The following SNTG1 variants were observed in gnomAD, a reference collection of about 807,000 sequenced individuals.
SNTG1 encodes the protein gamma-1-syntrophin.
A neutral mutation model predicts 74.7 loss-of-function variants in SNTG1; 39 were observed. The ratio of observed to expected loss-of-function variants is 0.52; its 90% CI spans 0.40 to 0.68. The LOEUF (loss-of-function observed/expected upper bound fraction) is 0.68. Among genes scored for constraint, SNTG1 ranks in the 30% least tolerant of loss-of-function variants. SNTG1 has a pLI of 0.00. For missense variants in SNTG1, 685 were observed against 609.5 expected (o/e 1.12, Z -1.30); for synonymous variants, 254 against 217.1 (o/e 1.17, Z -1.49).
chr8:50,321,340 G>A (rs538417786), intron 2 of SNTG1, among the ~76,000 whole-genome samples: 1 of 151,954 alleles, frequency 6.6e-6, no homozygotes, highest in African/African-American at 2.4e-5. Context: ...TCTGATATAA[G>A]TGTAGCAACT....
At position 50,501,965 on chromosome 8, in the gene SNTG1, A is replaced by G. The variant is rs556735322; in HGVS notation, c.364-813A>G. The stretch of plus-strand genomic sequence containing the variant: ...AATATCTTTTTCAGGTGTGTTTGCT[A>G]TAAGTAACTCTTCAACTTCTTGTTC... On this transcript the variant is annotated intron_variant, in intron 8 of 18. Transcript: ENST00000642720. 9.2e-5 allele frequency among the ~76,000 whole-genome samples: 14 copies of G among 152,272 alleles called. No homozygotes were observed. The East Asian group carries it at 1.7e-3, about 19-fold the overall frequency.
chr8:50,197,856 G>A (rs1429854008), intron 2 of SNTG1, among the ~76,000 whole-genome samples: 2 of 151,842 alleles, frequency 1.3e-5, no homozygotes, highest in Non-Finnish European at 2.9e-5. Context: ...GGTTTTACTG[G>A]CATATTTATT....
At chr8:50,299,638 T>C (rs1473508075) in intron 2 of SNTG1, among the ~76,000 whole-genome samples, 4 of 152,164 alleles carry the variant, frequency 2.6e-5, no homozygotes, top group African/African-American at 9.6e-5. Flanking sequence ...TTTAACTAAA[T>C]TGATCCAAAA....
intron 2 of SNTG1, among the ~76,000 whole-genome samples, chr8:50,246,421 A>T (rs2086401278): frequency 6.6e-6 from 1 of 152,098 alleles, no homozygotes; most frequent in East Asian, 1.9e-4. Context: ...TAGTTTATCC[A>T]TAAAGACCTG....
intron 13 of SNTG1, among the ~76,000 whole-genome samples, chr8:50,611,372 G>A (rs1464157306): frequency 2.0e-5 from 3 of 152,166 alleles, no homozygotes; most frequent in Non-Finnish European, 4.4e-5. Context: ...CCCAGACAGA[G>A]AACAGAGGGT....
intron 12 of SNTG1, among the ~76,000 whole-genome samples, chr8:50,578,739 A>G (rs1254741750): frequency 6.6e-6 from 1 of 152,134 alleles, no homozygotes; most frequent in Admixed American, 6.5e-5. Context: ...CGCCACGTAA[A>G]GAAGGATGTG....
rs1455627218 is a variant in SNTG1 at position 49,973,198 on chromosome 8, T to C, written c.-103+60967T>C. ...ACTATGCAGCCATAAAAAAGATGAG[T>C]TCATGTCCTTTGTAGGGACATGGAT... On this transcript the variant is annotated intron_variant, in intron 1 of 18. Transcript: ENST00000642720. Among the ~76,000 whole-genome samples the C allele has an allele frequency of 3.3e-5, 5 of 152,114 alleles. No homozygotes were observed. In the South Asian group the frequency reaches 1.0e-3, roughly 31 times the overall value.
chr8:50,370,609 CT>C (rs1410409887), intron 2 of SNTG1, among the ~76,000 whole-genome samples: 1 of 152,112 alleles, frequency 6.6e-6, no homozygotes, highest in Non-Finnish European at 1.5e-5. Context: ...AGGACTTAAC[CT>C]TACATTGCCT....
chr8:50,535,950 A>G (rs971495147), intron 10 of SNTG1, among the ~76,000 whole-genome samples: 7 of 152,316 alleles, frequency 4.6e-5, no homozygotes, highest in African/African-American at 1.7e-4. Flanking sequence ...AAATTTTAAC[A>G]TTAAAACTGA....
At chr8:50,696,819 C>A (rs1034769059) in intron 15 of SNTG1, among the ~76,000 whole-genome samples, 1 of 151,902 alleles carries the variant, frequency 6.6e-6, no homozygotes, top group Non-Finnish European at 1.5e-5. Flanking sequence ...GTTTTTATGC[C>A]AGTACCATGC....
At position 49,994,096 on chromosome 8, in the gene SNTG1, A is replaced by G. The variant is rs555350148; in HGVS notation, c.-103+81865A>G. 2.6e-5 allele frequency among the ~76,000 whole-genome samples: 4 copies of G among 152,174 alleles called. No homozygotes were observed. The East Asian group carries it at 7.7e-4, about 29-fold the overall frequency. Reference sequence around the variant, plus strand: ...AGTGTTTTTAAATTGTGATGGGTGTATATGTGTACATACAAGTATATGGAT... The same window carrying G: ...AGTGTTTTTAAATTGTGATGGGTGTGTATGTGTACATACAAGTATATGGAT... On this transcript the variant is annotated intron_variant, in intron 1 of 18. Coordinates refer to ENST00000642720, the MANE Select transcript of SNTG1 (RefSeq NM_018967.5).
chr8:50,754,852 G>C (rs2095576332), intron 18 of SNTG1, among the ~76,000 whole-genome samples: 1 of 151,804 alleles, frequency 6.6e-6, no homozygotes, highest in African/African-American at 2.4e-5. Flanking sequence ...CTGACATCTT[G>C]TGTTTCTATT....
chr8:50,718,112 A>G (rs1370338481), intron 17 of SNTG1, among the ~76,000 whole-genome samples: 1 of 152,170 alleles, frequency 6.6e-6, no homozygotes, highest in Non-Finnish European at 1.5e-5. Flanking sequence ...TGGAAGCTGC[A>G]AACTAGATTA....
chr8:50,610,261 C>A (rs1477323573), intron 13 of SNTG1, among the ~76,000 whole-genome samples: 1 of 151,980 alleles, frequency 6.6e-6, no homozygotes, highest in South Asian at 2.1e-4. Flanking sequence ...TAATGGCTAG[C>A]CAATGATTTG....
chr8:50,333,321 T>G (rs1490624700), intron 2 of SNTG1, among the ~76,000 whole-genome samples: 1 of 152,388 alleles, frequency 6.6e-6, no homozygotes, highest in African/African-American at 2.4e-5. Context: ...TAATGGTGTC[T>G]AATACATATT....
chr8:50,752,131 CACA>C lies in SNTG1; in HGVS notation c.1395+21_1395+23del. Reference sequence around the variant, plus strand: ...GCAAAGGTAAACCCAAGAAATTCATCACATAACACCTCTAACTACATTAATGCC... The same window carrying C: ...GCAAAGGTAAACCCAAGAAATTCATCTAACACCTCTAACTACATTAATGCC... On this transcript the variant is annotated intron_variant, in intron 18 of 18. Transcript: ENST00000642720. The C allele has an allele frequency of 7.4e-7, 1 of 1,358,650 alleles. No homozygotes were observed. The highest frequency in any genetic ancestry group is 1.0e-6 in the Non-Finnish European group (1 of 999,802). 84.2% of individuals were successfully genotyped at this position (1,358,650 alleles called of 1,614,324 possible).
intron 2 of SNTG1, among the ~76,000 whole-genome samples, chr8:50,295,050 A>G (rs2089299964): frequency 6.6e-6 from 1 of 152,196 alleles, no homozygotes; most frequent in African/African-American, 2.4e-5. Context: ...CACTTTGTAC[A>G]TAGTATATAC....
chr8:50,755,912 G>A (rs896645255), intron 18 of SNTG1, among the ~76,000 whole-genome samples: 2 of 151,372 alleles, frequency 1.3e-5, no homozygotes, highest in South Asian at 2.1e-4. Flanking sequence ...CTTTGGTAAG[G>A]TATCTGTTAA....
chr8:50,735,339 T>C (rs2131637956), intron 17 of SNTG1, among the ~76,000 whole-genome samples: 1 of 151,916 alleles, frequency 6.6e-6, no homozygotes, highest in African/African-American at 2.4e-5. Context: ...TAAAGGAGCA[T>C]GTTCTAAACC....
Sources: allele counts gnomAD v4.1 joint callset (sites outside exome capture counted in the v4.1 genomes callset), GRCh38; gene constraint gnomAD v4.1.1; transcripts MANE v1.5; gene names NCBI Gene and HGNC (gene_info 2026-07-23, HGNC 2026-07-21).